The following LAMA1 variants were observed in gnomAD, a reference collection of about 807,000 sequenced individuals.
The protein encoded by LAMA1 is laminin subunit alpha-1.
In LAMA1, 219 loss-of-function variants were observed where a neutral mutation model predicts 348.7. The observed-to-expected ratio is 0.63, with a 90% CI of 0.56 to 0.70. LAMA1 has a LOEUF of 0.70. Ranked by LOEUF, LAMA1 falls within the 30% of genes least tolerant of loss-of-function variation. The pLI is 0.00. For missense variants in LAMA1, 3,744 were observed against 3,888.0 expected (o/e 0.96, Z 0.99); for synonymous variants, 1,487 against 1,491.0 (o/e 1.00, Z 0.06).
At position 7,049,065 on chromosome 18, in the gene LAMA1, G is replaced by A. The variant is rs111413671; in HGVS notation, c.768+13C>T. On this transcript the variant is annotated intron_variant, in intron 5 of 62. Coordinates refer to ENST00000389658, the MANE Select transcript of LAMA1 (RefSeq NM_005559.4). ...TTTTATTTTATTTGGCAGGACTGCC[G>A]TCCCATACTCACGCGTCTGGTAACA... The A allele has an allele frequency of 1.6e-3, 2,567 of 1,610,550 alleles. 27 individuals carry two copies. In the African/African-American group the frequency reaches 0.025, roughly 16 times the overall value.
chr18:7,090,138 T>G (rs1353713673), intron 1 of LAMA1, among the ~76,000 whole-genome samples: 2 of 151,992 alleles, frequency 1.3e-5, no homozygotes, highest in African/African-American at 2.4e-5. Flanking sequence ...ATAACAGGAG[T>G]CCCCTGCTTA....
intron 1 of LAMA1, among the ~76,000 whole-genome samples, chr18:7,110,619 C>T (rs558775702): frequency 1.3e-5 from 2 of 152,116 alleles, no homozygotes; most frequent in South Asian, 4.2e-4. Flanking sequence ...ATCAGGAGTT[C>T]GAGACCAGCC....
At chr18:7,020,483 AG>A (rs550837115) in intron 19 of LAMA1, among the ~76,000 whole-genome samples, 115 of 152,350 alleles carry the variant, frequency 7.5e-4, no homozygotes, top group African/African-American at 2.6e-3. Flanking sequence ...AAGTCCACAG[AG>A]GGAACCCTGT....
chr18:6,949,151 ACAAACCCTC>A lies in LAMA1; in HGVS notation c.8497_8505del (p.Glu2833_Leu2835del), dbSNP rs766153542. 2 of 1,614,050 alleles carry A rather than the reference ACAAACCCTC, an allele frequency of 1.2e-6. No homozygotes were observed. Among genetic ancestry groups the A allele is most frequent in the Admixed American group, 3.3e-5 (2 of 60,002 alleles). On this transcript the variant is annotated inframe_deletion, in exon 59 of 63. Coordinates refer to ENST00000389658, the MANE Select transcript of LAMA1 (RefSeq NM_005559.4). ...TGGGAGGGCAGGCCTCCTAGGTAGA[ACAAACCCTC>A]CACATCCAGCATGGTTCCATCTCCC...
intron 14 of LAMA1, among the ~76,000 whole-genome samples, chr18:7,033,775 C>T (rs867340261): frequency 6.6e-6 from 1 of 151,698 alleles, no homozygotes; most frequent in African/African-American, 2.4e-5. Flanking sequence ...CGTTGTGCTG[C>T]CCCAGCTGGA....
At chr18:7,102,996 C>T (rs1271032539) in intron 1 of LAMA1, among the ~76,000 whole-genome samples, 1 of 152,154 alleles carries the variant, frequency 6.6e-6, no homozygotes, top group Non-Finnish European at 1.5e-5. Flanking sequence ...CATCAGGGTC[C>T]TCCTGGTTAC....
At chr18:7,059,847 A>G (rs2058095975) in intron 3 of LAMA1, among the ~76,000 whole-genome samples, 1 of 152,254 alleles carries the variant, frequency 6.6e-6, no homozygotes, top group African/African-American at 2.4e-5. Context: ...GATTTAGATG[A>G]ACAGTTAAGT....
intron 3 of LAMA1, among the ~76,000 whole-genome samples, chr18:7,075,325 T>G (rs2058163058): frequency 6.6e-6 from 1 of 152,094 alleles, no homozygotes; most frequent in African/African-American, 2.4e-5. Flanking sequence ...TAAAAAAAAT[T>G]TTTAAAAAAG....
chr18:6,983,009 G>A (rs1410747427), intron 40 of LAMA1, 90 bp downstream of exon 40: 28 of 1,501,444 alleles, frequency 1.9e-5, no homozygotes, highest in Non-Finnish European at 2.6e-5. Flanking sequence ...ATGTTAATAG[G>A]CAGAAATTGG....
rs375248402 is a variant in LAMA1 at position 7,034,708 on chromosome 18, G to A, written c.1840-18C>T. ...CCGTTTCCCTAACATTTAAAAACAA[G>A]AGAAAATATATTTGTCATTCAATTT... On this transcript the variant is annotated intron_variant, in intron 13 of 62. Coordinates refer to ENST00000389658, the MANE Select transcript of LAMA1 (RefSeq NM_005559.4). The A allele has an allele frequency of 1.4e-5, 23 of 1,592,206 alleles. No individual in the cohort carries two copies. The African/African-American group carries it at 2.8e-4, about 20-fold the overall frequency.
intron 58 of LAMA1, 104 bp from the exon 59 acceptor site, chr18:6,949,363 C>G (rs2057536425): frequency 8.9e-7 from 1 of 1,121,618 alleles, no homozygotes; most frequent in Admixed American, 1.8e-5. Flanking sequence ...AGAGCTATAA[C>G]AACCTGAATG....
At chr18:7,043,163 A>G in intron 8 of LAMA1, 64 bp downstream of exon 8, 1 of 1,538,150 alleles carries the variant, frequency 6.5e-7, no homozygotes, top group Non-Finnish European at 9.0e-7. Flanking sequence ...TTAAGACTTG[A>G]CAAAGTCTCT....
intron 3 of LAMA1, among the ~76,000 whole-genome samples, chr18:7,075,146 A>C (rs1184048100): frequency 6.6e-6 from 1 of 152,166 alleles, no homozygotes; most frequent in African/African-American, 2.4e-5. Flanking sequence ...CATTTATAAT[A>C]TTAAGTTTTA....
chr18:7,099,317 G>T (rs1397888330), intron 1 of LAMA1, among the ~76,000 whole-genome samples: 5 of 151,050 alleles, frequency 3.3e-5, no homozygotes, highest in Non-Finnish European at 7.4e-5. Context: ...AGTACCCAGG[G>T]ACACAAACAC....
intron 55 of LAMA1, among the ~76,000 whole-genome samples, chr18:6,957,993 G>A (rs1268557490): frequency 6.6e-6 from 1 of 152,064 alleles, no homozygotes; most frequent in Non-Finnish European, 1.5e-5. Context: ...TGTTGGCCAG[G>A]CTGGTCTCAA....
At chr18:6,955,560 A>G in intron 56 of LAMA1, 95 bp from the exon 57 acceptor site, 1 of 827,604 alleles carries the variant, frequency 1.2e-6, no homozygotes, top group Non-Finnish European at 2.1e-6. Context: ...CTACGAAGCA[A>G]TCCCATTAGA....
chr18:7,084,243 A>G (rs1004076439), intron 1 of LAMA1, among the ~76,000 whole-genome samples: 1 of 151,932 alleles, frequency 6.6e-6, no homozygotes, highest in Non-Finnish European at 1.5e-5. Flanking sequence ...AAGGTTGCTG[A>G]CTCATTGCAG....
intron 9 of LAMA1, among the ~76,000 whole-genome samples, chr18:7,041,457 C>A (rs2058020277): frequency 2.0e-5 from 3 of 152,168 alleles, no homozygotes; most frequent in South Asian, 4.1e-4. Flanking sequence ...TTACCCTCCC[C>A]ATCGCTGGGG....
Position 7,074,967 on chromosome 18 carries a change from C to CAAAAAAAA in LAMA1, c.345+5000_345+5007dup, listed in dbSNP as rs773818069. Among the ~76,000 whole-genome samples, 11 of 52,268 alleles carry CAAAAAAAA rather than the reference C, an allele frequency of 2.1e-4. 1 individual carries two copies. The highest frequency in any genetic ancestry group is 3.0e-4 in the Non-Finnish European group (9 of 30,290). The allele number at this position is 52,268 out of a possible 152,430, so 34.3% of individuals were successfully genotyped here. The stretch of plus-strand genomic sequence containing the variant: ...GATAACCAAACCTAATACATAGAGG[C>CAAAAAAAA]AAAAAAAAAAAAAAAAAAAAAAAAA... On this transcript the variant is annotated intron_variant, in intron 3 of 62. Coordinates refer to ENST00000389658, the MANE Select transcript of LAMA1 (RefSeq NM_005559.4).
Sources: allele counts gnomAD v4.1 joint callset (sites outside exome capture counted in the v4.1 genomes callset), GRCh38; gene constraint gnomAD v4.1.1; transcripts MANE v1.5; gene names NCBI Gene and HGNC (gene_info 2026-07-23, HGNC 2026-07-21).